Variants in ISY1 observed in about 807,000 individuals in gnomAD.
ISY1 encodes the protein pre-mRNA-splicing factor ISY1 homolog.
In ISY1, 12 loss-of-function variants were observed where a neutral mutation model predicts 54.4. The ratio of observed to expected loss-of-function variants is 0.22; its 90% CI spans 0.14 to 0.36. ISY1 has a LOEUF of 0.36. Ranked by LOEUF, ISY1 falls within the 10% of genes least tolerant of loss-of-function variation. The probability of loss-of-function intolerance (pLI) is 1.00; values close to 1 mark genes in which losing one functional copy is unlikely to be tolerated. For synonymous variants in ISY1, 96 were observed against 117.9 expected, an observed-to-expected ratio of 0.81 and a Z score of 1.20; for missense variants, 282 against 342.2, an observed-to-expected ratio of 0.82 and a Z score of 1.39.
intron 7 of ISY1, among the ~76,000 whole-genome samples, chr3:129,139,509 T>C (rs189218412): frequency 6.6e-6 from 1 of 152,292 alleles, no homozygotes; most frequent in East Asian, 1.9e-4. Flanking sequence ...GTTGACTACC[T>C]TTCTAAAACA....
chr3:129,147,950 TTTTTA>T (rs1030414264), intron 5 of ISY1, among the ~76,000 whole-genome samples: 160 of 152,210 alleles, frequency 1.1e-3, no homozygotes, highest in African/African-American at 3.7e-3. Flanking sequence ...ATTTTTTTTA[TTTTTA>T]TTTATTCATC....
chr3:129,134,292 C>T, intron 8 of ISY1, 97 bp from the exon 9 acceptor site: 2 of 1,572,762 alleles, frequency 1.3e-6, no homozygotes, highest in Non-Finnish European at 1.7e-6. Flanking sequence ...AAAGTCTAGA[C>T]ATCCCCTCTA....
chr3:129,156,785 G>A (rs1937155159), intron 4 of ISY1, 70 bp downstream of exon 4: 1 of 1,581,378 alleles, frequency 6.3e-7, no homozygotes, highest in Non-Finnish European at 8.6e-7. Context: ...TGGTCTAACA[G>A]TCATTTAGAT....
chr3:129,130,649 C>T lies in ISY1; in HGVS notation c.664-13G>A, dbSNP rs368764766. ...CTTCCTCGTCCGACTACAAACAGAA[C>T]AAACGAAAGTCCATCAGTAGGCGCC... On this transcript the variant is annotated splice_polypyrimidine_tract_variant and intron_variant, in intron 9 of 10. Transcript: ENST00000393295. 6.2e-7 allele frequency: 1 copy of T among 1,613,614 alleles called. No individual in the cohort carries two copies. Among genetic ancestry groups the T allele is most frequent in the African/African-American group, 1.3e-5 (1 of 74,872 alleles).
intron 5 of ISY1, among the ~76,000 whole-genome samples, chr3:129,146,440 G>C (rs1252639130): frequency 2.0e-5 from 3 of 152,110 alleles, no homozygotes; most frequent in African/African-American, 7.2e-5. Context: ...GTAGGAAAAT[G>C]GTTAATGAAC....
chr3:129,131,645 A>C (rs1936240393), intron 9 of ISY1, among the ~76,000 whole-genome samples: 1 of 152,236 alleles, frequency 6.6e-6, no homozygotes, highest in African/African-American at 2.4e-5. Flanking sequence ...AAAGGAATGA[A>C]CTATTGAACT....
chr3:129,147,932 TTTTA>T (rs1428538253), intron 5 of ISY1, among the ~76,000 whole-genome samples: 6 of 152,026 alleles, frequency 3.9e-5, no homozygotes, highest in African/African-American at 9.7e-5. Flanking sequence ...AGTTGAAATG[TTTTA>T]TTTATTTTTT....
chr3:129,130,266 C>A, intron 10 of ISY1, 78 bp from the exon 11 acceptor site: 1 of 1,500,604 alleles, frequency 6.7e-7, no homozygotes, highest in South Asian at 1.4e-5. Flanking sequence ...GGAGGAAGTC[C>A]CCGTGGGAGA....
intron 5 of ISY1, among the ~76,000 whole-genome samples, chr3:129,150,362 T>C (rs1488363361): frequency 1.3e-5 from 2 of 152,194 alleles, no homozygotes; most frequent in South Asian, 2.1e-4. Flanking sequence ...TTGGTTTCTT[T>C]AGTCATCGCA....
At chr3:129,131,583 C>T (rs1205041622) in intron 9 of ISY1, among the ~76,000 whole-genome samples, 1 of 152,148 alleles carries the variant, frequency 6.6e-6, no homozygotes, top group East Asian at 1.9e-4. Flanking sequence ...CAGTGACCTA[C>T]ACATTTAGCA....
At chr3:129,152,689 A>G in intron 5 of ISY1, among the ~76,000 whole-genome samples, 1 of 152,036 alleles carries the variant, frequency 6.6e-6, no homozygotes, top group Admixed American at 6.6e-5. Flanking sequence ...TACAGGCGTG[A>G]GCCACCGCGC....
rs1936750411 is a variant in ISY1, at chr3:129,145,775, C to T, written c.286G>A (p.Gly96Ser). ...HWEVRIKELGGPDYGKVGPKM... is the reference protein window; with the variant it reads ...HWEVRIKELGSPDYGKVGPKM... ...CATGTACTCACTCCATAATCAGGAC[C>T]TCCCAGCTCCTTTATCCGGACCTCC... Residue 96 changes from glycine to serine, a missense_variant, in exon 6 of 11, where the codon GGT becomes AGT. Gly to Ser is a moderately conservative substitution (Grantham distance 56, BLOSUM62 0). This residue lies in a region of ISY1 where 279 missense variants were observed against 323.6 expected (regional missense o/e 0.86). Coordinates refer to ENST00000393295, the MANE Select transcript of ISY1 (RefSeq NM_020701.4). The T allele has an allele frequency of 6.2e-7, 1 of 1,614,098 alleles. No individual in the cohort carries two copies. Among genetic ancestry groups the T allele is most frequent in the Non-Finnish European group, 8.5e-7 (1 of 1,179,966 alleles).
intron 9 of ISY1, among the ~76,000 whole-genome samples, chr3:129,133,527 C>T (rs926532566): frequency 3.3e-5 from 5 of 152,148 alleles, no homozygotes; most frequent in African/African-American, 1.2e-4. Context: ...AACCCCGTCT[C>T]TACTAAAAAT....
At chr3:129,153,484 A>C (rs1937036525) in intron 5 of ISY1, among the ~76,000 whole-genome samples, 1 of 152,102 alleles carries the variant, frequency 6.6e-6, no homozygotes, top group African/African-American at 2.4e-5. Context: ...CAGTTGTAAC[A>C]ATCAAAAATT....
Position 129,138,392 on chromosome 3 carries a change from T to C in ISY1, c.418+1976A>G, listed in dbSNP as rs138498028. Reference sequence around the variant, plus strand: ...GGCTCACGCCTGTAATCCCAGCACTTTGGGAAGCTGAGGCAGGTGGATCAC... The same window carrying C: ...GGCTCACGCCTGTAATCCCAGCACTCTGGGAAGCTGAGGCAGGTGGATCAC... On this transcript the variant is annotated intron_variant, in intron 7 of 10. Transcript: ENST00000393295. Among the ~76,000 whole-genome samples, 498 of 151,480 alleles carry C rather than the reference T, an allele frequency of 3.3e-3. 3 individuals are homozygous for C. Among genetic ancestry groups the C allele is most frequent in the African/African-American group, 0.012 (485 of 41,282 alleles).
In ISY1 at chr3:129,160,990, C is replaced by T. The variant is rs1186439063; in HGVS notation, c.-15G>A. 2.0e-6 allele frequency: 3 copies of T among 1,502,924 alleles called. No homozygotes were observed. The highest frequency in any genetic ancestry group is 2.4e-5 in the South Asian group (2 of 83,354). 93.1% of individuals were successfully genotyped at this position (1,502,924 alleles called of 1,614,324 possible). A position where few individuals can be genotyped will look rare whatever the true frequency, so the allele number is the denominator to read the frequency against. ...CTACTCACCATGGTGTCGCTAAGGGCGCCGTCCTGGAGCCCCGCGGCCCCT... is the reference window on the plus strand; with the variant it reads ...CTACTCACCATGGTGTCGCTAAGGGTGCCGTCCTGGAGCCCCGCGGCCCCT... On this transcript the variant is annotated 5_prime_UTR_variant, in exon 1 of 11. Transcript: ENST00000393295.
In ISY1 at chr3:129,142,038, C is replaced by G. The variant is rs577200893; in HGVS notation, c.301-1553G>C. ...TGGCCAACATGGTAAAATCCCATCT[C>G]TACTAAAAATACAAAAATTAGCAGG... On this transcript the variant is annotated intron_variant, in intron 6 of 10. Transcript: ENST00000393295. Among the ~76,000 whole-genome samples the G allele has an allele frequency of 4.0e-4, 61 of 152,000 alleles. 1 individual carries two copies. The South Asian group carries it at 0.012, about 31-fold the overall frequency.
intron 9 of ISY1, among the ~76,000 whole-genome samples, chr3:129,131,941 C>T (rs1214883082): frequency 2.0e-5 from 3 of 152,150 alleles, no homozygotes; most frequent in African/African-American, 7.2e-5. Flanking sequence ...GCAATTCTCA[C>T]ACCTCAGCCT....
intron 1 of ISY1, 57 bp from the exon 2 acceptor site, chr3:129,159,233 G>C: frequency 6.3e-7 from 1 of 1,576,848 alleles, no homozygotes; most frequent in East Asian, 2.2e-5. Flanking sequence ...TTTTTTTCTT[G>C]CCCTTTACTT....
Sources: gnomAD v4.1 joint callset for allele counts (sites outside exome capture counted in the v4.1 genomes callset) on GRCh38, gnomAD v4.1.1 for gene constraint, gnomAD v4.1.1 regional missense constraint, MANE v1.5 for transcripts, NCBI Gene and HGNC (gene_info 2026-07-23, HGNC 2026-07-21) for gene names.